The following RMDN2 variants were observed in gnomAD, a reference collection of about 807,000 sequenced individuals.
The protein encoded by RMDN2 is regulator of microtubule dynamics 2, also known as regulator of microtubule dynamics protein 2.
Under a neutral mutation model 52.8 loss-of-function variants are expected in RMDN2, and 61 were observed. The ratio of observed to expected loss-of-function variants is 1.16; its 90% CI spans 0.94 to 1.43. The LOEUF is 1.43. RMDN2 is among the 40% of genes most tolerant of loss of function. The pLI is 0.00. For missense variants in RMDN2, 592 were observed against 475.3 expected (o/e 1.25, Z -2.28); for synonymous variants, 180 against 153.1 (o/e 1.18, Z -1.30).
At chr2:38,031,972 T>A (rs759699390) in intron 10 of RMDN2, among the ~76,000 whole-genome samples, 14 of 152,206 alleles carry the variant, frequency 9.2e-5, no homozygotes, top group Non-Finnish European at 1.8e-4. Context: ...TGCCGCTGCC[T>A]ATCACTCAGC....
chr2:37,962,096 G>C (rs1045341730), intron 2 of RMDN2, among the ~76,000 whole-genome samples: 1 of 152,194 alleles, frequency 6.6e-6, no homozygotes, highest in Non-Finnish European at 1.5e-5. Context: ...ACCAGATGCT[G>C]ACTGGAGCTC....
chr2:38,021,567 GA>G (rs1290254654), downstream of RMDN2, among the ~76,000 whole-genome samples: 3 of 152,098 alleles, frequency 2.0e-5, no homozygotes, highest in Non-Finnish European at 4.4e-5. Flanking sequence ...CCGAACATCA[GA>G]AGGAACAAAC....
chr2:38,038,877 A>G (rs544481022), intron 10 of RMDN2, among the ~76,000 whole-genome samples: 5 of 152,112 alleles, frequency 3.3e-5, no homozygotes, highest in African/African-American at 1.2e-4. Flanking sequence ...CTGCCCTGAT[A>G]GGTTTCGCCC....
chr2:37,966,910 C>T (rs555478184), intron 2 of RMDN2, among the ~76,000 whole-genome samples: 1 of 151,842 alleles, frequency 6.6e-6, no homozygotes, highest in Non-Finnish European at 1.5e-5. Flanking sequence ...TGATAAAAGC[C>T]CCTATCAGAG....
intron 7 of RMDN2, 109 bp from the exon 8 acceptor site, chr2:37,997,307 T>C: frequency 2.8e-6 from 2 of 720,870 alleles, no homozygotes; most frequent in Middle Eastern, 3.6e-4. Flanking sequence ...GTTATATCTA[T>C]ACACACACAC....
intron 2 of RMDN2, chr2:37,951,499 G>C (rs753369400): frequency 6.2e-7 from 1 of 1,611,960 alleles, no homozygotes; most frequent in African/African-American, 1.3e-5. Context: ...TGGCAACAAA[G>C]TAGAGCTAAC....
rs555269625 is a variant in RMDN2, at chr2:37,936,922, C to T, written c.452+7193C>T. Among the ~76,000 whole-genome samples the T allele has an allele frequency of 3.3e-5, 5 of 152,276 alleles. No homozygotes were observed. In the South Asian group the frequency reaches 6.2e-4, roughly 19 times the overall value. On this transcript the variant is annotated intron_variant, in intron 2 of 10. Coordinates refer to ENST00000354545, the MANE Select transcript of RMDN2 (RefSeq NM_001170791.3). ...ATTAGATCCCATTTGTCAATTTTGG[C>T]TTTTGCTGCAATTGCTTTTGGTGTT...
At chr2:37,995,027 T>C (rs1416625139) in intron 7 of RMDN2, among the ~76,000 whole-genome samples, 2 of 152,128 alleles carry the variant, frequency 1.3e-5, no homozygotes, top group African/African-American at 4.8e-5. Context: ...GAGAGAACTT[T>C]TTAGGATGAT....
intron 5 of RMDN2, among the ~76,000 whole-genome samples, chr2:37,984,759 A>G (rs769106542): frequency 2.0e-5 from 3 of 152,178 alleles, no homozygotes; most frequent in Non-Finnish European, 4.4e-5. Context: ...GTCAAAACAT[A>G]TGTAGTTAGA....
downstream of RMDN2, among the ~76,000 whole-genome samples, chr2:38,021,640 G>T (rs953711866): frequency 2.0e-5 from 3 of 152,206 alleles, no homozygotes; most frequent in African/African-American, 7.2e-5. Flanking sequence ...CTTCATTCTT[G>T]AAGTCAGTGA....
chr2:37,988,577 A>G (rs1674348460), intron 5 of RMDN2, among the ~76,000 whole-genome samples: 1 of 151,482 alleles, frequency 6.6e-6, no homozygotes, highest in Non-Finnish European at 1.5e-5. Flanking sequence ...AATTAAAATT[A>G]TTCACTGTTT....
At chr2:37,941,674 T>C (rs1445427479) in intron 2 of RMDN2, among the ~76,000 whole-genome samples, 2 of 152,230 alleles carry the variant, frequency 1.3e-5, no homozygotes, top group Non-Finnish European at 2.9e-5. Context: ...CTGAACTTCC[T>C]GGTGGCTTTG....
chr2:38,008,142 G>C (rs1399738845), intron 10 of RMDN2, among the ~76,000 whole-genome samples: 1 of 152,124 alleles, frequency 6.6e-6, no homozygotes, highest in East Asian at 1.9e-4. Context: ...GGTCAATTTT[G>C]GAATAAGTGT....
In RMDN2 at chr2:38,058,015, T is replaced by C. The variant is rs144867393; in HGVS notation, c.1714-8967T>C. The stretch of plus-strand genomic sequence containing the variant: ...TGAGAATAGACTAATACAGAGCCCA[T>C]TGAGGCTATCTGAACAGTAGCAGAG... On this transcript the variant is annotated intron_variant, in intron 10 of 10. Transcript: ENST00000234195. Among the ~76,000 whole-genome samples, 585 of 152,352 alleles carry C rather than the reference T, an allele frequency of 3.8e-3. 3 individuals are homozygous for C. The highest frequency in any genetic ancestry group is 0.013 in the African/African-American group (552 of 41,590).
At chr2:38,037,337 A>C (rs371281579) in intron 10 of RMDN2, among the ~76,000 whole-genome samples, 3 of 152,216 alleles carry the variant, frequency 2.0e-5, no homozygotes, top group African/African-American at 7.2e-5. Context: ...GACTTTTCCA[A>C]GTTGCTCTTT....
intron 8 of RMDN2, among the ~76,000 whole-genome samples, chr2:38,003,310 T>A (rs1676562173): frequency 6.6e-6 from 1 of 152,094 alleles, no homozygotes; most frequent in Non-Finnish European, 1.5e-5. Flanking sequence ...CCCAGCACTT[T>A]GGGAGGTCGA....
At chr2:37,978,431 T>A (rs930856981) in intron 4 of RMDN2, among the ~76,000 whole-genome samples, 4 of 152,092 alleles carry the variant, frequency 2.6e-5, no homozygotes, top group African/African-American at 4.8e-5. Flanking sequence ...AAAATAGACA[T>A]GTTTTCAGGC....
chr2:37,951,644 T>G (rs1454880635), intron 2 of RMDN2: 2 of 1,613,492 alleles, frequency 1.2e-6, no homozygotes, highest in East Asian at 4.5e-5. Context: ...GTGCCATTTT[T>G]TTTGATCCTC....
chr2:37,935,779 A>G (rs192066100), intron 2 of RMDN2, among the ~76,000 whole-genome samples: 2 of 152,210 alleles, frequency 1.3e-5, no homozygotes. Context: ...TTTTTTCCAT[A>G]TTGATATGTA....
Sources: gnomAD v4.1 joint callset for allele counts (sites outside exome capture counted in the v4.1 genomes callset) on GRCh38, gnomAD v4.1.1 for gene constraint, MANE v1.5 for transcripts, NCBI Gene and HGNC (gene_info 2026-07-23, HGNC 2026-07-21) for gene names.